The following FOXJ3 variants were observed in gnomAD, a reference collection of about 807,000 sequenced individuals.
FOXJ3 encodes the protein forkhead box J3.
Under a neutral mutation model 76.1 loss-of-function variants are expected in FOXJ3, and 22 were observed. That is an observed-to-expected ratio of 0.29 (90% confidence interval 0.21 to 0.41). The LOEUF (loss-of-function observed/expected upper bound fraction) is 0.41, where lower values mean the gene tolerates loss of function less well. Among genes scored for constraint, FOXJ3 ranks in the 10% least tolerant of loss-of-function variants. FOXJ3 has a pLI of 1.00. For missense variants in FOXJ3, 613 were observed against 762.1 expected (o/e 0.80, Z 2.30); for synonymous variants, 269 against 261.2 (o/e 1.03, Z -0.29).
chr1:42,189,126 A>T (rs1457934444), intron 10 of FOXJ3, 177 bp downstream of exon 10: 5 of 618,316 alleles, frequency 8.1e-6, no homozygotes, highest in Non-Finnish European at 1.4e-5. Flanking sequence ...AATTTCTTTC[A>T]GAACTTGTCT....
intron 2 of FOXJ3, among the ~76,000 whole-genome samples, chr1:42,305,804 A>T (rs1654423185): frequency 6.6e-6 from 1 of 152,242 alleles, no homozygotes. Flanking sequence ...TGATTGCACA[A>T]CAGGGTGACT....
chr1:42,330,318 A>G (rs549931935), intron 1 of FOXJ3, among the ~76,000 whole-genome samples: 18 of 146,476 alleles, frequency 1.2e-4, no homozygotes, highest in African/African-American at 3.6e-4. Context: ...GAATCTAGGG[A>G]AAAAAATCTT....
Position 42,278,516 on chromosome 1 carries a change from G to A in FOXJ3, c.201C>T (p.Asp67=), listed in dbSNP as rs1317733158. Residue 67 remains aspartate, a synonymous_variant, in exon 3 of 13, where the codon GAC becomes GAT. Coordinates refer to ENST00000361346, the MANE Select transcript of FOXJ3 (RefSeq NM_014947.5). Reference sequence around the variant, plus strand: ...CTTTGTGCTGTTGGACTTCTTCCTGGTCCAGAGTTGTATTTGGGTCAAGGA... The same window carrying A: ...CTTTGTGCTGTTGGACTTCTTCCTGATCCAGAGTTGTATTTGGGTCAAGGA... The part of the protein sequence containing the change: ...NALLDPNTTL[D]QEEVQQHKDG... 6.2e-7 allele frequency: 1 copy of A among 1,613,994 alleles called. No individual in the cohort carries two copies. The highest frequency in any genetic ancestry group is 2.2e-5 in the East Asian group (1 of 44,878).
Position 42,177,895 on chromosome 1 carries a change from T to G in FOXJ3, c.*1815A>C, listed in dbSNP as rs1192241924. Reference sequence around the variant, plus strand: ...AATTAAAGTGATTTAGCATGGCTGATAAGACCAGAGATGCTAAAAAGCAAC... The same window carrying G: ...AATTAAAGTGATTTAGCATGGCTGAGAAGACCAGAGATGCTAAAAAGCAAC... On this transcript the variant is annotated 3_prime_UTR_variant, in exon 13 of 13. Coordinates refer to ENST00000361346, the MANE Select transcript of FOXJ3 (RefSeq NM_014947.5). The G allele has an allele frequency of 1.3e-5, 2 of 152,564 alleles. No individual in the cohort carries two copies. Among genetic ancestry groups the G allele is most frequent in the Non-Finnish European group, 2.9e-5 (2 of 68,030 alleles). The allele number at this position is 152,564 out of a possible 1,614,324, so 9.5% of individuals were successfully genotyped here.
At chr1:42,249,749 C>T (rs1055091605) in intron 4 of FOXJ3, among the ~76,000 whole-genome samples, 13 of 152,040 alleles carry the variant, frequency 8.6e-5, no homozygotes, top group East Asian at 1.9e-4. Flanking sequence ...TCCTTGTAAA[C>T]GAAAAACTCA....
chr1:42,278,664 G>A lies in FOXJ3; in HGVS notation c.53C>T (p.Ser18Phe), dbSNP rs770728473. The change falls in exon 3 of 13, where the codon TCT (serine) becomes TTT (phenylalanine). Residue 18 changes from serine to phenylalanine, a missense_variant. Physicochemically the swap from Ser to Phe is radical, Grantham distance 155 (BLOSUM62 -2). This residue lies in a region of FOXJ3 where 77 missense variants were observed against 115.1 expected (regional missense o/e 0.67). Transcript: ENST00000361346. ...CPSVTSLRMT[S>F]ELESSLTSMD... ...AGACGTTAGGCTGCTCTCCAGTTCA[G>A]ATGTCATCCTGAAGGTAAATAGACT... is the stretch of plus-strand genomic sequence containing the variant. 6.2e-7 allele frequency: 1 copy of A among 1,610,456 alleles called. No individual in the cohort carries two copies. The highest frequency in any genetic ancestry group is 1.1e-5 in the South Asian group (1 of 90,910).
intron 4 of FOXJ3, among the ~76,000 whole-genome samples, chr1:42,260,597 G>A (rs1650958247): frequency 6.6e-6 from 1 of 152,090 alleles, no homozygotes; most frequent in African/African-American, 2.4e-5. Context: ...TGGCTACTCT[G>A]GAGAATCACC....
Position 42,205,753 on chromosome 1 carries a change from T to C in FOXJ3, c.630+9A>G. 6.7e-7 allele frequency: 1 copy of C among 1,483,406 alleles called. No individual in the cohort carries two copies. The highest frequency in any genetic ancestry group is 9.4e-7 in the Non-Finnish European group (1 of 1,061,986). The allele number at this position is 1,483,406 out of a possible 1,614,324, so 91.9% of individuals were successfully genotyped here. A position where few individuals can be genotyped will look rare whatever the true frequency, so the allele number is the denominator to read the frequency against. On this transcript the variant is annotated intron_variant, in intron 6 of 12. Transcript: ENST00000361346. ...GACATTTCAATAATGTTTAAAAAAATGAAATTACTTTGTTAGTCACAGTGT... is the reference window on the plus strand; with the variant it reads ...GACATTTCAATAATGTTTAAAAAAACGAAATTACTTTGTTAGTCACAGTGT...
At chr1:42,304,753 A>G (rs1371620484) in intron 2 of FOXJ3, among the ~76,000 whole-genome samples, 2 of 152,228 alleles carry the variant, frequency 1.3e-5, no homozygotes, top group Admixed American at 6.5e-5. Flanking sequence ...ACCAAAATGG[A>G]TTAAAGCCTT....
At chr1:42,263,972 T>G (rs1462696025) in intron 4 of FOXJ3, among the ~76,000 whole-genome samples, 1 of 129,706 alleles carries the variant, frequency 7.7e-6, no homozygotes, top group Non-Finnish European at 1.6e-5. Context: ...GATTGCTGCC[T>G]ACTATGTGAA....
At chr1:42,201,839 C>A (rs1484740436) in intron 6 of FOXJ3, among the ~76,000 whole-genome samples, 1 of 152,048 alleles carries the variant, frequency 6.6e-6, no homozygotes, top group Non-Finnish European at 1.5e-5. Flanking sequence ...TTGAAGCTTG[C>A]TGGGCCTGAA....
chr1:42,326,728 G>A (rs1655856817), intron 1 of FOXJ3, among the ~76,000 whole-genome samples: 2 of 152,070 alleles, frequency 1.3e-5, no homozygotes, highest in Admixed American at 1.3e-4. Flanking sequence ...TTTAACAAGG[G>A]GAGAAACCGC....
At chr1:42,207,861 G>C (rs1385670933) in intron 5 of FOXJ3, among the ~76,000 whole-genome samples, 1 of 152,150 alleles carries the variant, frequency 6.6e-6, no homozygotes, top group Non-Finnish European at 1.5e-5. Context: ...TGAAATAGAA[G>C]AGCTATAAAA....
intron 2 of FOXJ3, among the ~76,000 whole-genome samples, chr1:42,299,689 T>G (rs1654012725): frequency 6.6e-6 from 1 of 151,986 alleles, no homozygotes; most frequent in Non-Finnish European, 1.5e-5. Flanking sequence ...GGCGGATTAC[T>G]TGAGGTCAGG....
chr1:42,186,892 G>C (rs1191929147), intron 11 of FOXJ3, among the ~76,000 whole-genome samples: 2 of 152,126 alleles, frequency 1.3e-5, no homozygotes. Context: ...CTGTCACCCA[G>C]GCTGGAGTGC....
chr1:42,332,151 T>C (rs957943634), intron 1 of FOXJ3, among the ~76,000 whole-genome samples: 2 of 152,354 alleles, frequency 1.3e-5, no homozygotes, highest in East Asian at 3.9e-4. Flanking sequence ...CTGGAAATGA[T>C]GCACTTTCTG....
intron 2 of FOXJ3, among the ~76,000 whole-genome samples, chr1:42,298,800 G>A (rs947691174): frequency 1.3e-5 from 2 of 151,996 alleles, no homozygotes; most frequent in African/African-American, 4.8e-5. Context: ...TTTCCTCTTA[G>A]CACTGTCTTT....
intron 11 of FOXJ3, among the ~76,000 whole-genome samples, chr1:42,183,000 C>A (rs894693554): frequency 6.6e-6 from 1 of 151,032 alleles, no homozygotes; most frequent in Non-Finnish European, 1.5e-5. Flanking sequence ...CTGGGCAAGG[C>A]ATGGTGGCTC....
At chr1:42,293,098 C>G (rs1238896484) in intron 2 of FOXJ3, among the ~76,000 whole-genome samples, 2 of 151,990 alleles carry the variant, frequency 1.3e-5, no homozygotes, top group African/African-American at 4.8e-5. Context: ...GAGACTCTGC[C>G]TCCAAAAATA....
Sources: allele counts gnomAD v4.1 joint callset (sites outside exome capture counted in the v4.1 genomes callset), GRCh38; gene constraint gnomAD v4.1.1; regional missense constraint gnomAD v4.1.1; transcripts MANE v1.5; gene names NCBI Gene and HGNC (gene_info 2026-07-23, HGNC 2026-07-21).